Variants in PLXNC1 observed in about 807,000 individuals in gnomAD.
PLXNC1 encodes the protein plexin C1, also known as plexin-C1.
Under a neutral mutation model 178.2 loss-of-function variants are expected in PLXNC1, and 75 were observed. The ratio of observed to expected loss-of-function variants is 0.42; its 90% CI spans 0.35 to 0.51. The LOEUF is 0.51. Among genes scored for constraint, PLXNC1 ranks in the 20% least tolerant of loss-of-function variants. The pLI is 0.02. For missense variants in PLXNC1, 1,503 were observed against 1,984.4 expected, an observed-to-expected ratio of 0.76 and a Z score of 4.61; for synonymous variants, 790 against 779.9, an observed-to-expected ratio of 1.01 and a Z score of -0.22.
intron 1 of PLXNC1, 137 bp downstream of exon 1, chr12:94,150,170 C>A: frequency 1.4e-6 from 1 of 710,766 alleles, no homozygotes; most frequent in Non-Finnish European, 2.2e-6. Context: ...CAGGTTCACA[C>A]CGCGGGCGGC....
At chr12:94,227,297 C>T (rs1963971425) in intron 9 of PLXNC1, 62 bp downstream of exon 9, 1 of 923,620 alleles carries the variant, frequency 1.1e-6, no homozygotes, top group Admixed American at 1.9e-5. Flanking sequence ...ATGACCACAA[C>T]TCATACTACT....
intron 30 of PLXNC1, 176 bp downstream of exon 30, chr12:94,304,227 C>T: frequency 1.9e-6 from 1 of 517,606 alleles, no homozygotes; most frequent in East Asian, 3.0e-5. Flanking sequence ...ATGGCTGCCC[C>T]CCTTACAGTT....
chr12:94,150,449 G>A (rs1253215371), intron 1 of PLXNC1, among the ~76,000 whole-genome samples: 2 of 152,152 alleles, frequency 1.3e-5, no homozygotes, highest in Non-Finnish European at 2.9e-5. Flanking sequence ...GACCCTCTTG[G>A]TCAACAGTTA....
At chr12:94,245,530 T>TA (rs1565827845) in intron 12 of PLXNC1, among the ~76,000 whole-genome samples, 2 of 151,976 alleles carry the variant, frequency 1.3e-5, no homozygotes, top group Admixed American at 6.5e-5. Flanking sequence ...AAATAAAAAT[T>TA]AAAAAAGTTG....
At chr12:94,187,736 T>A (rs1046957451) in intron 4 of PLXNC1, among the ~76,000 whole-genome samples, 10 of 152,212 alleles carry the variant, frequency 6.6e-5, no homozygotes, top group African/African-American at 2.4e-4. Context: ...GTGGCGATGA[T>A]GGTGGTGATT....
chr12:94,210,928 A>G (rs1963449311), intron 5 of PLXNC1, among the ~76,000 whole-genome samples: 1 of 152,256 alleles, frequency 6.6e-6, no homozygotes, highest in South Asian at 2.1e-4. Context: ...AGAGAATAGT[A>G]GAAAGTAGAA....
intron 21 of PLXNC1, among the ~76,000 whole-genome samples, chr12:94,270,824 C>G (rs1965526161): frequency 1.3e-5 from 2 of 151,010 alleles, no homozygotes; most frequent in South Asian, 4.2e-4. Context: ...CCTTACTCTT[C>G]TGTTAGAGTA....
intron 1 of PLXNC1, among the ~76,000 whole-genome samples, chr12:94,166,799 CT>C (rs1326735916): frequency 6.6e-6 from 1 of 151,458 alleles, no homozygotes; most frequent in African/African-American, 2.4e-5. Context: ...TAAGGTCTCA[CT>C]TTGTTGTCCA....
At chr12:94,299,610 A>G (rs1353803834) in intron 27 of PLXNC1, among the ~76,000 whole-genome samples, 2 of 152,126 alleles carry the variant, frequency 1.3e-5, no homozygotes, top group African/African-American at 2.4e-5. Context: ...CCCAGGCTGC[A>G]GTGCAGTGGT....
chr12:94,233,178 G>T (rs1022071636), intron 9 of PLXNC1, among the ~76,000 whole-genome samples: 2 of 152,158 alleles, frequency 1.3e-5, no homozygotes, highest in African/African-American at 4.8e-5. Flanking sequence ...GTGGTCCGAG[G>T]GAAGGAGTCA....
intron 2 of PLXNC1, among the ~76,000 whole-genome samples, chr12:94,171,194 G>T (rs1363059883): frequency 1.3e-5 from 2 of 152,198 alleles, no homozygotes; most frequent in South Asian, 2.1e-4. Context: ...TAGCGATGTT[G>T]TGGCAACCAG....
chr12:94,228,667 G>T (rs1964011766), intron 9 of PLXNC1, among the ~76,000 whole-genome samples: 2 of 151,954 alleles, frequency 1.3e-5, no homozygotes, highest in African/African-American at 2.4e-5. Context: ...TTGTCTATTT[G>T]TGCTGGCGTC....
rs1964966403 is a variant in PLXNC1 at position 94,260,541 on chromosome 12, C to A, written c.3252-101C>A. Reference sequence around the variant, plus strand: ...AAAAAAAAAAAAGCTCCCAACCCAACAGGCCAGCTCCCTGCCCTGCCAGTG... The same window carrying A: ...AAAAAAAAAAAAGCTCCCAACCCAAAAGGCCAGCTCCCTGCCCTGCCAGTG... On this transcript the variant is annotated intron_variant, in intron 19 of 30. Transcript: ENST00000258526. This position sits in a 1 kb window ranked among gnomAD's most constrained non-coding sequence, Gnocchi z 4.4. 88 of 634,110 alleles carry A rather than the reference C, an allele frequency of 1.4e-4. No individual in the cohort carries two copies. The highest frequency in any genetic ancestry group is 2.0e-4 in the Non-Finnish European group (74 of 377,120). The allele number at this position is 634,110 out of a possible 1,614,324, so 39.3% of individuals were successfully genotyped here.
chr12:94,224,380 C>T, intron 7 of PLXNC1, 65 bp downstream of exon 7: 1 of 921,608 alleles, frequency 1.1e-6, no homozygotes, highest in Non-Finnish European at 1.8e-6. Context: ...TGTTTGACTC[C>T]TCGATTTCCT....
intron 2 of PLXNC1, among the ~76,000 whole-genome samples, chr12:94,172,370 T>G (rs1961878243): frequency 6.6e-6 from 1 of 152,174 alleles, no homozygotes; most frequent in South Asian, 2.1e-4. Flanking sequence ...CAACTGCTGT[T>G]TTTTACCACC....
intron 15 of PLXNC1, among the ~76,000 whole-genome samples, chr12:94,252,439 A>T (rs1964722021): frequency 6.6e-6 from 1 of 152,208 alleles, no homozygotes; most frequent in Non-Finnish European, 1.5e-5. Flanking sequence ...TCTAAAAAGT[A>T]AATGATTTTT....
In PLXNC1 at chr12:94,206,986, T is replaced by C. The variant is rs79124289; in HGVS notation, c.1440-2604T>C. Reference sequence around the variant, plus strand: ...GCTTTCAAAAGGAATTATTTCAGAGTAACTAGCTTTGTTTACTAAAATATG... The same window carrying C: ...GCTTTCAAAAGGAATTATTTCAGAGCAACTAGCTTTGTTTACTAAAATATG... On this transcript the variant is annotated intron_variant, in intron 4 of 30. Coordinates refer to ENST00000258526, the MANE Select transcript of PLXNC1 (RefSeq NM_005761.3). Among the ~76,000 whole-genome samples the C allele has an allele frequency of 1.7e-3, 257 of 152,322 alleles. 7 individuals carry two copies. In the East Asian group the frequency reaches 0.046, roughly 27 times the overall value.
At chr12:94,165,268 G>A (rs1483644170) in intron 1 of PLXNC1, among the ~76,000 whole-genome samples, 2 of 152,172 alleles carry the variant, frequency 1.3e-5, no homozygotes, top group South Asian at 2.1e-4. Context: ...TTGTGAGGAC[G>A]TTTCTCCGGA....
At chr12:94,216,438 G>A (rs966296389) in intron 5 of PLXNC1, among the ~76,000 whole-genome samples, 15 of 152,130 alleles carry the variant, frequency 9.9e-5, no homozygotes, top group African/African-American at 3.1e-4. Context: ...GATTCAGAAA[G>A]TAGATATAAA....
Sources: gnomAD v4.1 joint callset for allele counts (sites outside exome capture counted in the v4.1 genomes callset) on GRCh38, gnomAD v4.1.1 for gene constraint, Gnocchi (gnomAD v3.1) non-coding constraint, MANE v1.5 for transcripts, NCBI Gene and HGNC (gene_info 2026-07-23, HGNC 2026-07-21) for gene names.